Variants in GPR26 observed in about 807,000 individuals in gnomAD.
GPR26 encodes G protein-coupled receptor 26.
GPR26 carries 15 observed loss-of-function variants against 23.1 expected under a neutral mutation model. The ratio of observed to expected loss-of-function variants is 0.65; its 90% CI spans 0.43 to 1.00. The LOEUF is 1.00. Among genes scored for constraint, GPR26 ranks in the 50% least tolerant of loss-of-function variants. The pLI, the probability that GPR26 is intolerant of heterozygous loss-of-function variation, is 0.00. For synonymous variants in GPR26, 228 were observed against 222.1 expected (o/e 1.03, Z -0.24); for missense variants, 359 against 470.5 (o/e 0.76, Z 2.19).
At chr10:123,668,172 T>A (rs1215316817) in intron 1 of GPR26, among the ~76,000 whole-genome samples, 2 of 152,122 alleles carry the variant, frequency 1.3e-5, no homozygotes, top group African/African-American at 4.8e-5. Flanking sequence ...GGAAGCTCTA[T>A]CCTCTGGTGG....
At chr10:123,676,007 G>A (rs907802229) in intron 2 of GPR26, among the ~76,000 whole-genome samples, 4 of 152,116 alleles carry the variant, frequency 2.6e-5, no homozygotes, top group South Asian at 2.1e-4. Context: ...TGGACAGTTC[G>A]CCCTGTTTCC....
chr10:123,683,406 C>A (rs961759608), intron 2 of GPR26, among the ~76,000 whole-genome samples: 21 of 152,250 alleles, frequency 1.4e-4, no homozygotes, highest in African/African-American at 4.3e-4. Context: ...CCCCTGGGGG[C>A]CCACAGGAGG....
chr10:123,691,075 C>T lies in GPR26; in HGVS notation c.*2915C>T, dbSNP rs1470370790. The T allele has an allele frequency of 6.6e-6, 1 of 152,162 alleles. No homozygotes were observed. The highest frequency in any genetic ancestry group is 1.9e-4 in the East Asian group (1 of 5,200). The allele number at this position is 152,162 out of a possible 1,614,324, so 9.4% of individuals were successfully genotyped here. On this transcript the variant is annotated 3_prime_UTR_variant, in exon 3 of 3. Coordinates refer to ENST00000284674, the MANE Select transcript of GPR26 (RefSeq NM_153442.4). ...ATAGGGCTGAGTTCCTAGTCCTACA[C>T]AATCAGAATTTGCCTTTTTAAGTCA...
rs975166183 is a variant in GPR26 at position 123,693,009 on chromosome 10, C to A, written c.*4849C>A. 4 of 152,210 alleles carry A rather than the reference C, an allele frequency of 2.6e-5. No homozygotes were observed. The highest frequency in any genetic ancestry group is 9.6e-5 in the African/African-American group (4 of 41,458). 9.4% of individuals were successfully genotyped at this position (152,210 alleles called of 1,614,324 possible). On this transcript the variant is annotated 3_prime_UTR_variant, in exon 3 of 3. Transcript: ENST00000284674. Reference sequence around the variant, plus strand: ...GATCTCTCCATGAAATCCCCTGCACCTCACTCTGGGCAGCTCTAGGCTCAG... The same window carrying A: ...GATCTCTCCATGAAATCCCCTGCACATCACTCTGGGCAGCTCTAGGCTCAG...
Position 123,688,049 on chromosome 10 carries a change from C to T in GPR26, c.903C>T (p.Tyr301=). The T allele has an allele frequency of 1.9e-6, 3 of 1,613,780 alleles. No homozygotes were observed. Among genetic ancestry groups the T allele is most frequent in the African/African-American group, 2.7e-5 (2 of 75,054 alleles). ...TGTACTCCTTACTGCGACACCAGTACCGCAAAAGCTGCAAGGAGATTCTGA... is the reference window on the plus strand; with the variant it reads ...TGTACTCCTTACTGCGACACCAGTATCGCAAAAGCTGCAAGGAGATTCTGA... The part of the protein sequence containing the change: ...PFVYSLLRHQ[Y]RKSCKEILNR... Residue 301 remains tyrosine, a synonymous_variant, in exon 3 of 3, where the codon TAC becomes TAT. Transcript: ENST00000284674.
At chr10:123,676,089 C>G (rs1157074464) in intron 2 of GPR26, among the ~76,000 whole-genome samples, 2 of 149,492 alleles carry the variant, frequency 1.3e-5, no homozygotes, top group Non-Finnish European at 3.0e-5. Context: ...GTTCTTCTTT[C>G]TGCCATCCAG....
chr10:123,669,307 G>C (rs545710452), intron 1 of GPR26, among the ~76,000 whole-genome samples: 4 of 152,230 alleles, frequency 2.6e-5, no homozygotes, highest in Non-Finnish European at 4.4e-5. Flanking sequence ...TCCCCGCCAA[G>C]CATGTGGGAG....
intron 2 of GPR26, among the ~76,000 whole-genome samples, chr10:123,677,440 C>G (rs566999342): frequency 6.6e-6 from 1 of 152,208 alleles, no homozygotes; most frequent in African/African-American, 2.4e-5. Flanking sequence ...ACTGCCACCA[C>G]CCCGGCTGCT....
At chr10:123,686,554 G>A (rs1003974434) in intron 2 of GPR26, among the ~76,000 whole-genome samples, 1 of 150,246 alleles carries the variant, frequency 6.7e-6, no homozygotes, top group African/African-American at 2.5e-5. Flanking sequence ...GCATTTCTGT[G>A]GAGAATCACA....
rs1310918338 is a variant in GPR26 at position 123,687,975 on chromosome 10, G to A, written c.829G>A (p.Val277Met). ...STVPIGSHWG[V>M]LSKCLAYSKA... ...GGTGCCCATCGGCTCCCACTGGGGG[G>A]TGCTGTCCAAGTGCTTGGCGTACAG... is the stretch of plus-strand genomic sequence containing the variant. The change falls in exon 3 of 3, where the codon GTG becomes ATG. Residue 277 changes from valine (V) to methionine (M), a missense_variant. Physicochemically the swap from Val to Met is conservative, Grantham distance 21. Transcript: ENST00000284674. 1.2e-6 allele frequency: 2 copies of A among 1,613,764 alleles called. No homozygotes were observed. Among genetic ancestry groups the A allele is most frequent in the South Asian group, 1.1e-5 (1 of 91,078 alleles).
Position 123,688,300 on chromosome 10 carries a change from G to A in GPR26, c.*140G>A. The A allele has an allele frequency of 1.6e-6, 1 of 632,172 alleles. No individual in the cohort carries two copies. The highest frequency in any genetic ancestry group is 2.8e-6 in the Non-Finnish European group (1 of 357,864). 39.2% of individuals were successfully genotyped at this position (632,172 alleles called of 1,614,324 possible). On this transcript the variant is annotated 3_prime_UTR_variant, in exon 3 of 3. Transcript: ENST00000284674. Reference sequence around the variant, plus strand: ...GATCCTGGTTCCCTGGCTTGTAGGGGCTCCAGAGCCTGCTTCCTGGTTCCT... The same window carrying A: ...GATCCTGGTTCCCTGGCTTGTAGGGACTCCAGAGCCTGCTTCCTGGTTCCT...
At chr10:123,685,491 G>T (rs1845422835) in intron 2 of GPR26, among the ~76,000 whole-genome samples, 1 of 152,200 alleles carries the variant, frequency 6.6e-6, no homozygotes, top group African/African-American at 2.4e-5. Flanking sequence ...GCCTGGAGGG[G>T]GCATCCCAGC....
Position 123,688,237 on chromosome 10 carries a change from G to A in GPR26, c.*77G>A, listed in dbSNP as rs1564733937. ...GGTGGGAGGGCGTGGGGGCCCCTGG[G>A]TGGACACCACCAGCCACCAGTCCCT... is the stretch of plus-strand genomic sequence containing the variant. On this transcript the variant is annotated 3_prime_UTR_variant, in exon 3 of 3. Transcript: ENST00000284674. 4.6e-6 allele frequency: 4 copies of A among 871,372 alleles called. No homozygotes were observed. Among genetic ancestry groups the A allele is most frequent in the Non-Finnish European group, 5.5e-6 (3 of 546,178 alleles). The allele number at this position is 871,372 out of a possible 1,614,324, so 54.0% of individuals were successfully genotyped here. A position where few individuals can be genotyped will look rare whatever the true frequency, so the allele number is the denominator to read the frequency against.
intron 1 of GPR26, among the ~76,000 whole-genome samples, chr10:123,667,595 G>C (rs937471762): frequency 4.7e-5 from 7 of 147,616 alleles, no homozygotes; most frequent in African/African-American, 1.5e-4. Context: ...GTGTGTGTGT[G>C]TGTGTGAATT....
chr10:123,683,364 G>A (rs969976375), intron 2 of GPR26, among the ~76,000 whole-genome samples: 1 of 152,250 alleles, frequency 6.6e-6, no homozygotes, highest in East Asian at 1.9e-4. Context: ...GTCCTGAGAT[G>A]GTCTCTGTGA....
chr10:123,687,892 C>G, intron 2 of GPR26, 37 bp from the exon 3 acceptor site: 1 of 1,429,574 alleles, frequency 7.0e-7, no homozygotes, highest in South Asian at 1.1e-5. Flanking sequence ...CGGTGCTTAG[C>G]TATGTCCTCA....
chr10:123,677,832 G>C (rs114042109), intron 2 of GPR26, among the ~76,000 whole-genome samples: 7,629 of 152,260 alleles, frequency 0.05, 372 homozygotes, highest in African/African-American at 0.13. Flanking sequence ...CCAGCACGGG[G>C]GCCACCAGCA....
intron 2 of GPR26, among the ~76,000 whole-genome samples, chr10:123,679,800 T>C (rs1845349084): frequency 6.6e-6 from 1 of 151,314 alleles, no homozygotes; most frequent in Non-Finnish European, 1.5e-5. Context: ...GCCCATGGCA[T>C]GCAGAGAGTG....
chr10:123,680,502 T>TCTGCAGATGCCACTGGGCAG, intron 2 of GPR26, among the ~76,000 whole-genome samples: 1 of 152,150 alleles, frequency 6.6e-6, no homozygotes, highest in East Asian at 1.9e-4. Context: ...CCTGAGCCCA[T>TCTGCAGATGCCACTGGGCAG]CTGCAGATGC....
Sources: allele counts gnomAD v4.1 joint callset (sites outside exome capture counted in the v4.1 genomes callset), GRCh38; gene constraint gnomAD v4.1.1; transcripts MANE v1.5; gene names NCBI Gene and HGNC (gene_info 2026-07-23, HGNC 2026-07-21).